The following NTRK2 variants were observed in gnomAD, a reference collection of about 807,000 sequenced individuals.
The protein encoded by NTRK2 is neurotrophic receptor tyrosine kinase 2, also known as BDNF/NT-3 growth factors receptor.
Under a neutral mutation model 94.5 loss-of-function variants are expected in NTRK2, and 13 were observed. The ratio of observed to expected loss-of-function variants is 0.14; its 90% CI spans 0.09 to 0.22. The LOEUF is 0.22. Among genes scored for constraint, NTRK2 ranks in the 10% least tolerant of loss-of-function variants. NTRK2 has a pLI of 1.00. For missense variants in NTRK2, 639 were observed against 1,071.2 expected, an observed-to-expected ratio of 0.60 and a Z score of 5.63; for synonymous variants, 372 against 407.4, an observed-to-expected ratio of 0.91 and a Z score of 1.05.
chr9:84,800,100 C>A (rs1280585733), intron 12 of NTRK2, among the ~76,000 whole-genome samples: 5 of 152,288 alleles, frequency 3.3e-5, no homozygotes, highest in Non-Finnish European at 1.5e-5. Flanking sequence ...CAGAAGCAAG[C>A]CTGGATAGAG....
At chr9:84,901,988 G>C (rs550720143) in intron 14 of NTRK2, among the ~76,000 whole-genome samples, 124 of 152,226 alleles carry the variant, frequency 8.1e-4, no homozygotes, top group Middle Eastern at 3.4e-3. Flanking sequence ...CTTGAGGCCA[G>C]TTCAAGACCA....
At chr9:84,737,840 G>C (rs777730312) in intron 9 of NTRK2, among the ~76,000 whole-genome samples, 13 of 151,446 alleles carry the variant, frequency 8.6e-5, no homozygotes, top group Non-Finnish European at 1.5e-4. Context: ...ACTTCAGGCT[G>C]TACCGTGGAC....
intron 12 of NTRK2, among the ~76,000 whole-genome samples, chr9:84,762,601 G>A (rs2065680043): frequency 6.6e-6 from 1 of 152,108 alleles, no homozygotes; most frequent in Non-Finnish European, 1.5e-5. Flanking sequence ...CATGGCAGAG[G>A]GTGGATTAAT....
intron 17 of NTRK2, among the ~76,000 whole-genome samples, chr9:85,013,003 T>A (rs1831798191): frequency 6.6e-6 from 1 of 152,214 alleles, no homozygotes; most frequent in Non-Finnish European, 1.5e-5. Flanking sequence ...TGAAAGATGT[T>A]CTAGGCTGCA....
chr9:84,845,104 C>A (rs1286586333), intron 12 of NTRK2, among the ~76,000 whole-genome samples: 1 of 152,112 alleles, frequency 6.6e-6, no homozygotes, highest in Non-Finnish European at 1.5e-5. Flanking sequence ...ACTACCACTA[C>A]CAGGTATCTG....
intron 12 of NTRK2, among the ~76,000 whole-genome samples, chr9:84,835,944 T>G (rs1399057671): frequency 2.0e-5 from 3 of 152,084 alleles, no homozygotes; most frequent in Non-Finnish European, 4.4e-5. Context: ...AAGGAGGCCC[T>G]CGTGGTTGAA....
chr9:84,776,780 T>C (rs565110803), intron 12 of NTRK2, among the ~76,000 whole-genome samples: 1 of 152,340 alleles, frequency 6.6e-6, no homozygotes, highest in Non-Finnish European at 1.5e-5. Flanking sequence ...GATTGTGTTA[T>C]AGGAGAGGAA....
chr9:84,713,777 T>A (rs764741684), intron 6 of NTRK2, among the ~76,000 whole-genome samples: 1 of 152,154 alleles, frequency 6.6e-6, no homozygotes, highest in South Asian at 2.1e-4. Context: ...TGTTGCTTGC[T>A]CTTTCTAGGT....
intron 14 of NTRK2, among the ~76,000 whole-genome samples, chr9:84,911,528 T>C (rs1185735711): frequency 1.3e-5 from 2 of 152,152 alleles, no homozygotes; most frequent in Non-Finnish European, 2.9e-5. Flanking sequence ...GCCCATTTTG[T>C]CCATAAAACT....
intron 12 of NTRK2, among the ~76,000 whole-genome samples, chr9:84,775,115 A>C (rs1481186530): frequency 6.6e-6 from 1 of 152,242 alleles, no homozygotes; most frequent in African/African-American, 2.4e-5. Flanking sequence ...TGACAGTCTT[A>C]AATAATGGTC....
At chr9:84,685,001 T>G (rs974958226) in intron 2 of NTRK2, among the ~76,000 whole-genome samples, 1 of 152,102 alleles carries the variant, frequency 6.6e-6, no homozygotes, top group Non-Finnish European at 1.5e-5. Context: ...TTTTTTTCTA[T>G]GTTGTAGGTG....
At chr9:85,003,577 T>G (rs76367718) in intron 17 of NTRK2, among the ~76,000 whole-genome samples, 7,135 of 152,196 alleles carry the variant, frequency 0.047, 423 homozygotes, top group African/African-American at 0.14. Context: ...AGGTAGGAAC[T>G]GAGGGGTCCT....
At chr9:84,825,934 T>G (rs2073155690) in intron 12 of NTRK2, among the ~76,000 whole-genome samples, 1 of 152,218 alleles carries the variant, frequency 6.6e-6, no homozygotes, top group Non-Finnish European at 1.5e-5. Flanking sequence ...GATGTGTGAA[T>G]GTTTCTGAGT....
At position 84,670,838 on chromosome 9, in the gene NTRK2, C is replaced by T. The variant is rs2058654446; in HGVS notation, c.90C>T (p.Phe30=). ...TTGTGGGCTTCTGGAGGGCCGCTTT[C>T]GCCTGTCCCACGTCCTGCAAATGCA... ...WLVVGFWRAA[F]ACPTSCKCSA... Residue 30 remains phenylalanine (F), a synonymous_variant, in exon 2 of 19, where the codon TTC becomes TTT. Coordinates refer to ENST00000277120, the MANE Select transcript of NTRK2 (RefSeq NM_006180.6). 2 of 1,614,098 alleles carry T rather than the reference C, an allele frequency of 1.2e-6. No individual in the cohort carries two copies. The highest frequency in any genetic ancestry group is 1.7e-6 in the Non-Finnish European group (2 of 1,180,042).
chr9:84,849,616 C>G (rs1476018274), intron 12 of NTRK2, among the ~76,000 whole-genome samples: 1 of 152,018 alleles, frequency 6.6e-6, no homozygotes, highest in Admixed American at 6.6e-5. Flanking sequence ...AGTGGGGAGA[C>G]AAGACAGAAA....
At chr9:84,728,603 G>T (rs1310533643) in intron 9 of NTRK2, among the ~76,000 whole-genome samples, 1 of 152,108 alleles carries the variant, frequency 6.6e-6, no homozygotes, top group Non-Finnish European at 1.5e-5. Context: ...TCAAAAAGGA[G>T]AATTCTGGTT....
chr9:84,831,536 T>C lies in NTRK2; in HGVS notation c.1397-29504T>C, dbSNP rs150842206. The stretch of plus-strand genomic sequence containing the variant: ...CACTTTAGCATATACCAGACAGTAC[T>C]TTAAGTGTTTTCCATATGCCAACTC... On this transcript the variant is annotated intron_variant, in intron 12 of 18. Transcript: ENST00000277120. Among the ~76,000 whole-genome samples, 422 of 152,310 alleles carry C rather than the reference T, an allele frequency of 2.8e-3. 2 individuals are homozygous for C. Among genetic ancestry groups the C allele is most frequent in the African/African-American group, 9.3e-3 (386 of 41,566 alleles).
intron 12 of NTRK2, among the ~76,000 whole-genome samples, chr9:84,771,607 C>T (rs759738883): frequency 1.3e-5 from 2 of 152,182 alleles, no homozygotes; most frequent in African/African-American, 4.8e-5. Context: ...CAGCATTTAT[C>T]GCAGACTGTA....
Position 84,702,196 on chromosome 9 carries a change from G to A in NTRK2, c.250G>A (p.Glu84Lys), listed in dbSNP as rs2131692310. 1 of 1,614,160 alleles carries A rather than the reference G, an allele frequency of 6.2e-7. No homozygotes were observed. Among genetic ancestry groups the A allele is most frequent in the Non-Finnish European group, 8.5e-7 (1 of 1,180,000 alleles). ...CCAGAAAAGGTTAGAAATCATCAAC[G>A]AAGATGATGTTGAAGCTTATGTGGG... ...ANQKRLEIIN[E>K]DDVEAYVGLR... is the part of the protein sequence containing the mutation. Residue 84 changes from glutamate (E) to lysine (K), a missense_variant, in exon 3 of 19, where the codon GAA becomes AAA. Coordinates refer to ENST00000277120, the MANE Select transcript of NTRK2 (RefSeq NM_006180.6).
Sources: allele counts gnomAD v4.1 joint callset (sites outside exome capture counted in the v4.1 genomes callset), GRCh38; gene constraint gnomAD v4.1.1; transcripts MANE v1.5; gene names NCBI Gene and HGNC (gene_info 2026-07-23, HGNC 2026-07-21).